Variants in SLC39A11 observed in about 807,000 individuals in gnomAD.
The protein encoded by SLC39A11 is solute carrier family 39 member 11.
Under a neutral mutation model 36.1 loss-of-function variants are expected in SLC39A11, and 33 were observed. That is an observed-to-expected ratio of 0.91 (90% CI 0.69 to 1.22). SLC39A11 has a LOEUF of 1.22. Ranked by LOEUF, SLC39A11 falls within the 50% of genes most tolerant of loss-of-function variation. The probability of loss-of-function intolerance (pLI) is 0.00; values close to 1 mark genes in which losing one functional copy is unlikely to be tolerated. For synonymous variants in SLC39A11, 166 were observed against 170.3 expected (o/e 0.97, Z 0.20); for missense variants, 432 against 430.3 (o/e 1.00, Z -0.03).
chr17:72,885,777 G>C (rs1036451501), intron 5 of SLC39A11, among the ~76,000 whole-genome samples: 1 of 152,140 alleles, frequency 6.6e-6, no homozygotes, highest in Admixed American at 6.5e-5. Context: ...GCCCTCGCTA[G>C]AGCCACCCTC....
chr17:72,858,218 C>T (rs1364178563), intron 5 of SLC39A11, among the ~76,000 whole-genome samples: 1 of 152,126 alleles, frequency 6.6e-6, no homozygotes, highest in Admixed American at 6.6e-5. Flanking sequence ...CTAAGCACTA[C>T]TTATTGAATA....
At chr17:73,044,504 G>C (rs766452716) in intron 3 of SLC39A11, among the ~76,000 whole-genome samples, 5 of 152,176 alleles carry the variant, frequency 3.3e-5, no homozygotes, top group Non-Finnish European at 7.3e-5. Flanking sequence ...ACTACTCTGT[G>C]GTTAGAAGTC....
chr17:72,857,248 T>A (rs2079693910), intron 5 of SLC39A11, among the ~76,000 whole-genome samples: 1 of 152,208 alleles, frequency 6.6e-6, no homozygotes, highest in Non-Finnish European at 1.5e-5. Flanking sequence ...GGTTTTCTGT[T>A]CCTGCATTAG....
intron 6 of SLC39A11, among the ~76,000 whole-genome samples, chr17:72,847,167 C>T (rs558246451): frequency 6.6e-6 from 1 of 152,276 alleles, no homozygotes; most frequent in South Asian, 2.1e-4. Context: ...CTTTGAGAGG[C>T]TGAGGTGGGC....
intron 6 of SLC39A11, among the ~76,000 whole-genome samples, chr17:72,755,786 G>A (rs1363657215): frequency 6.6e-6 from 1 of 152,152 alleles, no homozygotes; most frequent in Non-Finnish European, 1.5e-5. Context: ...CAAAATTCAG[G>A]ACACAGGGTG....
chr17:72,654,087 C>A (rs941446215), intron 7 of SLC39A11, among the ~76,000 whole-genome samples: 1 of 152,112 alleles, frequency 6.6e-6, no homozygotes, highest in Admixed American at 6.6e-5. Flanking sequence ...CCCTGCTTAG[C>A]CATCTTGCTT....
At chr17:72,883,852 GC>G (rs1221732611) in intron 5 of SLC39A11, among the ~76,000 whole-genome samples, 1 of 152,082 alleles carries the variant, frequency 6.6e-6, no homozygotes, top group African/African-American at 2.4e-5. Flanking sequence ...ATCCAATTCT[GC>G]CCATAGAAAG....
intron 3 of SLC39A11, among the ~76,000 whole-genome samples, chr17:73,036,962 A>G (rs1204066820): frequency 6.6e-6 from 1 of 152,174 alleles, no homozygotes; most frequent in Middle Eastern, 3.2e-3. Context: ...AGAATGTCCT[A>G]TAGTTGAAAT....
chr17:72,982,736 G>T (rs774194348), intron 4 of SLC39A11, among the ~76,000 whole-genome samples: 4 of 150,632 alleles, frequency 2.7e-5, no homozygotes, highest in African/African-American at 4.9e-5. Flanking sequence ...TTATTTGACA[G>T]AAATTTGGTG....
chr17:72,776,686 C>T (rs2076146540), intron 6 of SLC39A11, among the ~76,000 whole-genome samples: 1 of 148,038 alleles, frequency 6.8e-6, no homozygotes, highest in Non-Finnish European at 1.5e-5. Context: ...GAGACTAGCG[C>T]TTACTGGGAC....
intron 4 of SLC39A11, among the ~76,000 whole-genome samples, chr17:73,004,227 G>GAAAGAAAGAAAGAAAGA (rs1555674238): frequency 4.3e-5 from 4 of 92,440 alleles, no homozygotes; most frequent in African/African-American, 1.7e-4. Context: ...AAGAAAGAAA[G>GAAAGAAAGAAAGAAAGA]AAAGAAAAGA....
chr17:72,870,019 T>C (rs1335086024), intron 5 of SLC39A11, among the ~76,000 whole-genome samples: 1 of 152,120 alleles, frequency 6.6e-6, no homozygotes, highest in Middle Eastern at 3.2e-3. Context: ...CTTGCTTTTT[T>C]TTTCTTCTTC....
intron 3 of SLC39A11, among the ~76,000 whole-genome samples, chr17:73,040,604 G>A (rs2059073227): frequency 1.3e-5 from 2 of 152,076 alleles, no homozygotes; most frequent in African/African-American, 4.8e-5. Flanking sequence ...CTGGATGAAG[G>A]GCACTATTCA....
intron 7 of SLC39A11, among the ~76,000 whole-genome samples, chr17:72,652,051 T>C (rs572559342): frequency 1.3e-5 from 2 of 152,322 alleles, no homozygotes. Context: ...ATTTGAGGTT[T>C]TGCAGTCCAC....
rs1039235967 is a variant in SLC39A11, at chr17:72,994,609, A to C, written c.306+36947T>G. On this transcript the variant is annotated intron_variant, in intron 4 of 9. Coordinates refer to ENST00000255559, the MANE Select transcript of SLC39A11 (RefSeq NM_139177.4). ...TTTACGTGTATCATATTTCATAATA[A>C]AGTGAAAAAGCGCTTTTAATTAGAA... 3.3e-5 allele frequency among the ~76,000 whole-genome samples: 5 copies of C among 152,286 alleles called. No homozygotes were observed. In the South Asian group the frequency reaches 1.0e-3, roughly 32 times the overall value.
intron 3 of SLC39A11, among the ~76,000 whole-genome samples, chr17:73,052,786 C>T (rs1037534280): frequency 3.9e-5 from 6 of 152,148 alleles, no homozygotes; most frequent in African/African-American, 1.4e-4. Flanking sequence ...CTGCAACCTC[C>T]ACCTCCCGGG....
At chr17:72,952,304 T>C (rs900653928) in intron 4 of SLC39A11, among the ~76,000 whole-genome samples, 1 of 152,172 alleles carries the variant, frequency 6.6e-6, no homozygotes, top group African/African-American at 2.4e-5. Context: ...CAATTATTGA[T>C]AGGGAAGAGG....
At position 72,749,152 on chromosome 17, in the gene SLC39A11, A is replaced by G. The variant is rs111245173; in HGVS notation, c.602-12433T>C. On this transcript the variant is annotated intron_variant, in intron 6 of 9. Coordinates refer to ENST00000255559, the MANE Select transcript of SLC39A11 (RefSeq NM_139177.4). ...AGCTGCCATCTTGGAAGACACAAAA[A>G]CTCAAGATTCCCTCTGCTTTGCCCA... Among the ~76,000 whole-genome samples the G allele has an allele frequency of 1.1e-3, 171 of 152,186 alleles. 2 individuals are homozygous for G. The highest frequency in any genetic ancestry group is 6.8e-3 in the Middle Eastern group (2 of 294).
intron 5 of SLC39A11, among the ~76,000 whole-genome samples, chr17:72,866,577 A>C (rs993421183): frequency 1.6e-4 from 25 of 152,318 alleles, no homozygotes; most frequent in African/African-American, 6.0e-4. Context: ...ACAAACACAC[A>C]CACAATCACA....
Sources: allele counts gnomAD v4.1 joint callset (sites outside exome capture counted in the v4.1 genomes callset), GRCh38; gene constraint gnomAD v4.1.1; transcripts MANE v1.5; gene names NCBI Gene and HGNC (gene_info 2026-07-23, HGNC 2026-07-21).